Variants in RASSF5 observed in about 807,000 individuals in gnomAD.
The protein encoded by RASSF5 is ras association domain-containing protein 5.
In RASSF5, 25 loss-of-function variants were observed where a neutral mutation model predicts 40.5. That is an observed-to-expected ratio of 0.62 (90% CI 0.45 to 0.86). The LOEUF (loss-of-function observed/expected upper bound fraction) is 0.86. Among genes scored for constraint, RASSF5 ranks in the 40% least tolerant of loss-of-function variants. RASSF5 has a pLI of 0.00. For missense variants in RASSF5, 521 were observed against 572.8 expected, an observed-to-expected ratio of 0.91 and a Z score of 0.92; for synonymous variants, 246 against 252.4, an observed-to-expected ratio of 0.97 and a Z score of 0.24.
At chr1:206,565,161 G>T (rs1223531024) in intron 2 of RASSF5, among the ~76,000 whole-genome samples, 2 of 152,080 alleles carry the variant, frequency 1.3e-5, no homozygotes, top group Non-Finnish European at 1.5e-5. Flanking sequence ...AATACCTCAG[G>T]GGTCTTCACC....
intron 2 of RASSF5, among the ~76,000 whole-genome samples, chr1:206,539,285 G>A (rs1667490035): frequency 6.6e-6 from 1 of 152,200 alleles, no homozygotes; most frequent in Non-Finnish European, 1.5e-5. Flanking sequence ...TAGGGTAAGG[G>A]AGTGAGACTT....
rs781790921 is a variant in RASSF5, at chr1:206,587,071, G to A, written c.*93G>A. 3.4e-6 allele frequency: 5 copies of A among 1,481,628 alleles called. No homozygotes were observed. The South Asian group carries it at 6.0e-5, about 18-fold the overall frequency. 91.8% of individuals were successfully genotyped at this position (1,481,628 alleles called of 1,614,324 possible). A position where few individuals can be genotyped will look rare whatever the true frequency, so the allele number is the denominator to read the frequency against. ...AGACACTTTTTCTCAGGACATCTCT[G>A]GCAGGTGCATTTGTGCCTGCCCAGC... is the stretch of plus-strand genomic sequence containing the variant. On this transcript the variant is annotated 3_prime_UTR_variant, in exon 6 of 6. Coordinates refer to ENST00000579436, the MANE Select transcript of RASSF5 (RefSeq NM_182663.4).
chr1:206,525,629 A>G (rs1667079597), intron 1 of RASSF5, among the ~76,000 whole-genome samples: 1 of 152,038 alleles, frequency 6.6e-6, no homozygotes, highest in African/African-American at 2.4e-5. Flanking sequence ...AAAACAAAAC[A>G]AAATTGTTTT....
intron 1 of RASSF5, 45 bp downstream of exon 1, chr1:206,508,104 T>A: frequency 7.6e-7 from 1 of 1,308,208 alleles, no homozygotes. Context: ...GACCGCAGTC[T>A]GGGGGCGAAG....
At position 206,507,534 on chromosome 1, in the gene RASSF5, T is replaced by C; in HGVS notation, c.-69T>C. On this transcript the variant is annotated 5_prime_UTR_variant, in exon 1 of 6. Transcript: ENST00000579436. ...CGCTGGTGTGGGGCGGCCCCTTCTC[T>C]CGGGGCTGGCTCGGGAGTAGCGCAG... is the stretch of plus-strand genomic sequence containing the variant. The C allele has an allele frequency of 8.0e-7, 1 of 1,251,946 alleles. No homozygotes were observed. Among genetic ancestry groups the C allele is most frequent in the Non-Finnish European group, 1.0e-6 (1 of 957,144 alleles). 77.6% of individuals were successfully genotyped at this position (1,251,946 alleles called of 1,614,324 possible). A position where few individuals can be genotyped will look rare whatever the true frequency, so the allele number is the denominator to read the frequency against.
intron 1 of RASSF5, among the ~76,000 whole-genome samples, chr1:206,509,660 G>A (rs1350869523): frequency 1.3e-5 from 2 of 151,982 alleles, no homozygotes; most frequent in East Asian, 3.8e-4. Context: ...TGGCATTCTA[G>A]TTTGTAGTTA....
chr1:206,580,400 G>A (rs765539766), intron 2 of RASSF5, among the ~76,000 whole-genome samples: 15 of 152,194 alleles, frequency 9.9e-5, no homozygotes, highest in Non-Finnish European at 1.9e-4. Flanking sequence ...TACCTCCTGA[G>A]GAGCAATAGC....
At chr1:206,563,215 T>G (rs1327899039) in intron 2 of RASSF5, among the ~76,000 whole-genome samples, 2 of 151,478 alleles carry the variant, frequency 1.3e-5, no homozygotes, top group Admixed American at 6.6e-5. Flanking sequence ...ACAGGGGAGG[T>G]TGGGAAGTGA....
chr1:206,585,095 T>C, intron 4 of RASSF5, 85 bp from the exon 5 acceptor site: 1 of 954,620 alleles, frequency 1.0e-6, no homozygotes. Context: ...GTACCCCACC[T>C]CTGCATTTCC....
rs1264788140 is a variant in RASSF5 at position 206,552,243 on chromosome 1, A to C, written c.579+13950A>C. Among the ~76,000 whole-genome samples, 1 of 152,204 alleles carries C rather than the reference A, an allele frequency of 6.6e-6. No individual in the cohort carries two copies. Among genetic ancestry groups the C allele is most frequent in the Non-Finnish European group, 1.5e-5 (1 of 68,032 alleles). On this transcript the variant is annotated intron_variant, in intron 2 of 5. Coordinates refer to ENST00000579436, the MANE Select transcript of RASSF5 (RefSeq NM_182663.4). This position sits in a 1 kb window ranked among gnomAD's most constrained non-coding sequence, Gnocchi z 4.1. ...GGAGACACCGAGCTCTCTGCTGTACACAGCCATTGAATGCTGAAAATTGCT... is the reference window on the plus strand; with the variant it reads ...GGAGACACCGAGCTCTCTGCTGTACCCAGCCATTGAATGCTGAAAATTGCT...
chr1:206,527,451 G>A (rs868968015), intron 1 of RASSF5, among the ~76,000 whole-genome samples: 19 of 152,144 alleles, frequency 1.2e-4, no homozygotes, highest in Admixed American at 7.2e-4. Context: ...GAGAGCTCAG[G>A]ACAGGAACCT....
At chr1:206,537,404 C>T (rs553565136) in intron 1 of RASSF5, among the ~76,000 whole-genome samples, 1 of 152,320 alleles carries the variant, frequency 6.6e-6, no homozygotes, top group East Asian at 1.9e-4. Context: ...AGAGAGGTAA[C>T]AGCACTTCCT....
At chr1:206,522,575 C>A (rs1189101454) in intron 1 of RASSF5, among the ~76,000 whole-genome samples, 1 of 152,146 alleles carries the variant, frequency 6.6e-6, no homozygotes, top group Admixed American at 6.5e-5. Context: ...ACACTTTCTC[C>A]CAAAATAGAT....
At chr1:206,523,644 A>G (rs1264835237) in intron 1 of RASSF5, among the ~76,000 whole-genome samples, 2 of 100,948 alleles carry the variant, frequency 2.0e-5, no homozygotes, top group African/African-American at 8.0e-5. Flanking sequence ...ATTATATATA[A>G]TATATTTATA....
intron 2 of RASSF5, among the ~76,000 whole-genome samples, chr1:206,572,238 A>T (rs1668476464): frequency 6.6e-6 from 1 of 151,996 alleles, no homozygotes. Context: ...TGTTTAATGA[A>T]CCCCTATTGT....
At chr1:206,555,380 T>G (rs1667951394) in intron 2 of RASSF5, among the ~76,000 whole-genome samples, 1 of 152,028 alleles carries the variant, frequency 6.6e-6, no homozygotes, top group South Asian at 2.1e-4. Flanking sequence ...TTTTTTTTCT[T>G]AAGTATTAGA....
chr1:206,524,636 A>T (rs1003510302), intron 1 of RASSF5, among the ~76,000 whole-genome samples: 9 of 137,692 alleles, frequency 6.5e-5, no homozygotes, highest in East Asian at 3.9e-4. Flanking sequence ...TATAATATAT[A>T]AAATATATAT....
intron 2 of RASSF5, among the ~76,000 whole-genome samples, chr1:206,551,801 G>A (rs549125890): frequency 1.3e-5 from 2 of 152,370 alleles, no homozygotes; most frequent in South Asian, 4.1e-4. Flanking sequence ...TAGCCCTGAG[G>A]CGAGAGGCAA....
chr1:206,566,881 G>A (rs113994258), intron 2 of RASSF5, among the ~76,000 whole-genome samples: 2 of 152,164 alleles, frequency 1.3e-5, no homozygotes, highest in Admixed American at 6.5e-5. Flanking sequence ...GTGTCCCCTG[G>A]CACGTGGTAA....
Sources: gnomAD v4.1 joint callset for allele counts (sites outside exome capture counted in the v4.1 genomes callset) on GRCh38, gnomAD v4.1.1 for gene constraint, Gnocchi (gnomAD v3.1) non-coding constraint, MANE v1.5 for transcripts, NCBI Gene and HGNC (gene_info 2026-07-23, HGNC 2026-07-21) for gene names.